Variants in CNTN5 observed in about 807,000 individuals in gnomAD.
The protein encoded by CNTN5 is contactin-5.
In CNTN5, 77 loss-of-function variants were observed where a neutral mutation model predicts 129.1. The ratio of observed to expected loss-of-function variants is 0.60; its 90% CI spans 0.50 to 0.72. CNTN5 has a LOEUF of 0.72. Among genes scored for constraint, CNTN5 ranks in the 30% least tolerant of loss-of-function variants. The pLI is 0.00. For synonymous variants in CNTN5, 509 were observed against 465.6 expected (o/e 1.09, Z -1.20); for missense variants, 1,478 against 1,328.8 (o/e 1.11, Z -1.75).
intron 1 of CNTN5, among the ~76,000 whole-genome samples, chr11:99,083,463 G>A (rs546835671): frequency 1.3e-5 from 2 of 152,170 alleles, no homozygotes; most frequent in Non-Finnish European, 2.9e-5. Flanking sequence ...TCCTTCTTAT[G>A]ATCACTCCAA....
intron 2 of CNTN5, among the ~76,000 whole-genome samples, chr11:99,510,648 T>C (rs1946800910): frequency 6.6e-6 from 1 of 152,210 alleles, no homozygotes; most frequent in African/African-American, 2.4e-5. Context: ...GAAAAATTCC[T>C]ATCATTTAGT....
intron 6 of CNTN5, among the ~76,000 whole-genome samples, chr11:99,909,727 C>T (rs917890800): frequency 1.3e-5 from 2 of 151,740 alleles, no homozygotes; most frequent in Non-Finnish European, 2.9e-5. Flanking sequence ...AACGAAACAT[C>T]GCATGTTCTC....
intron 21 of CNTN5, among the ~76,000 whole-genome samples, chr11:100,314,774 C>T (rs544006991): frequency 2.6e-5 from 4 of 152,244 alleles, no homozygotes; most frequent in African/African-American, 9.6e-5. Context: ...TCATTAGGCT[C>T]TCCCTTCCCA....
intron 8 of CNTN5, among the ~76,000 whole-genome samples, chr11:99,987,413 C>CATATAT: frequency 6.6e-6 from 1 of 151,594 alleles, no homozygotes; most frequent in Non-Finnish European, 1.5e-5. Flanking sequence ...TATATATATA[C>CATATAT]ACACACAGTA....
At chr11:99,667,645 A>G (rs1021858372) in intron 3 of CNTN5, among the ~76,000 whole-genome samples, 9 of 152,146 alleles carry the variant, frequency 5.9e-5, no homozygotes, top group African/African-American at 2.2e-4. Flanking sequence ...GTCTTTTGCT[A>G]TGTCATGGAT....
chr11:100,317,923 T>C lies in CNTN5; in HGVS notation c.2730+9455T>C, dbSNP rs191384104. Among the ~76,000 whole-genome samples the C allele has an allele frequency of 1.5e-4, 23 of 152,294 alleles. No individual in the cohort carries two copies. In the East Asian group the frequency reaches 2.7e-3, roughly 18 times the overall value. Reference sequence around the variant, plus strand: ...AAACACAAATGGAACCAAAAAAGTATTGATGATATGTTTTATCATATTTAG... The same window carrying C: ...AAACACAAATGGAACCAAAAAAGTACTGATGATATGTTTTATCATATTTAG... On this transcript the variant is annotated intron_variant, in intron 21 of 24. Transcript: ENST00000524871.
At chr11:100,159,554 T>C (rs912025907) in intron 13 of CNTN5, among the ~76,000 whole-genome samples, 6 of 151,846 alleles carry the variant, frequency 4.0e-5, no homozygotes, top group Non-Finnish European at 8.8e-5. Flanking sequence ...AGCTTGTATT[T>C]AGAGTTTCTT....
At chr11:99,065,265 A>G (rs1249888996) in intron 1 of CNTN5, among the ~76,000 whole-genome samples, 1 of 152,174 alleles carries the variant, frequency 6.6e-6, no homozygotes, top group African/African-American at 2.4e-5. Context: ...CACCATGACC[A>G]TGTGCAAATC....
chr11:100,171,716 G>A (rs1369805061), intron 13 of CNTN5, among the ~76,000 whole-genome samples: 1 of 151,928 alleles, frequency 6.6e-6, no homozygotes, highest in Non-Finnish European at 1.5e-5. Flanking sequence ...GCTTTATTGT[G>A]TTTGGTTTTA....
At chr11:99,819,313 T>TTCTCCCCTCCCCTCTTCTCC (rs1565566879) in intron 3 of CNTN5, among the ~76,000 whole-genome samples, 4 of 18,068 alleles carry the variant, frequency 2.2e-4, no homozygotes, top group African/African-American at 4.7e-4. Context: ...CCCTCCCCTC[T>TTCTCCCCTCCCCTCTTCTCC]CCTCCCCTCC....
chr11:100,036,367 G>C (rs1168490538), intron 9 of CNTN5, among the ~76,000 whole-genome samples: 1 of 151,962 alleles, frequency 6.6e-6, no homozygotes, highest in African/African-American at 2.4e-5. Context: ...TTTGGTTACT[G>C]TAGCTTTGTA....
intron 16 of CNTN5, among the ~76,000 whole-genome samples, chr11:100,237,137 C>T (rs1270919811): frequency 1.4e-5 from 2 of 144,118 alleles, no homozygotes; most frequent in East Asian, 2.0e-4. Context: ...TGCAGTGAGC[C>T]GAGATCACAG....
At chr11:99,976,401 G>A (rs903174165) in intron 8 of CNTN5, among the ~76,000 whole-genome samples, 2 of 152,296 alleles carry the variant, frequency 1.3e-5, no homozygotes, top group Middle Eastern at 3.4e-3. Flanking sequence ...CTTGAGTGGG[G>A]CCTCCAACCC....
chr11:99,599,091 A>T (rs969242553), intron 3 of CNTN5, among the ~76,000 whole-genome samples: 11 of 152,094 alleles, frequency 7.2e-5, no homozygotes, highest in Non-Finnish European at 1.0e-4. Flanking sequence ...ATACATGGTT[A>T]ATTGATTTTA....
intron 3 of CNTN5, among the ~76,000 whole-genome samples, chr11:99,756,865 A>C (rs1944419257): frequency 6.6e-6 from 1 of 151,970 alleles, no homozygotes. Flanking sequence ...ACTTTTAAAA[A>C]ATTCTAAAAC....
At chr11:99,384,514 T>G (rs1940801030) in intron 2 of CNTN5, among the ~76,000 whole-genome samples, 1 of 152,206 alleles carries the variant, frequency 6.6e-6, no homozygotes, top group African/African-American at 2.4e-5. Context: ...AGTGAAGACA[T>G]ATTCCAGGAA....
chr11:99,639,974 C>T (rs545741852), intron 3 of CNTN5, among the ~76,000 whole-genome samples: 8 of 152,100 alleles, frequency 5.3e-5, no homozygotes, highest in Admixed American at 1.3e-4. Flanking sequence ...GACAAAATGC[C>T]GCCAGTCTCT....
At chr11:100,218,619 T>A (rs989996775) in intron 15 of CNTN5, among the ~76,000 whole-genome samples, 3 of 152,228 alleles carry the variant, frequency 2.0e-5, no homozygotes, top group African/African-American at 7.2e-5. Flanking sequence ...CTGCATTTTC[T>A]TATGCACAGG....
At chr11:99,846,688 A>G (rs1947709990) in intron 6 of CNTN5, among the ~76,000 whole-genome samples, 1 of 152,178 alleles carries the variant, frequency 6.6e-6, no homozygotes, top group Non-Finnish European at 1.5e-5. Context: ...TTCTCTATGT[A>G]ATCTTTCCCA....
Sources: gnomAD v4.1 joint callset for allele counts (sites outside exome capture counted in the v4.1 genomes callset) on GRCh38, gnomAD v4.1.1 for gene constraint, MANE v1.5 for transcripts, NCBI Gene and HGNC (gene_info 2026-07-23, HGNC 2026-07-21) for gene names.